The following HS3ST5 variants were observed in gnomAD, a reference collection of about 807,000 sequenced individuals.
HS3ST5 encodes the protein heparan sulfate-glucosamine 3-sulfotransferase 5.
Under a neutral mutation model 25.4 loss-of-function variants are expected in HS3ST5, and 10 were observed. The observed-to-expected ratio is 0.39, with a 90% CI of 0.24 to 0.67. The LOEUF (loss-of-function observed/expected upper bound fraction) is 0.67, where lower values mean the gene tolerates loss of function less well. HS3ST5 is among the 30% of genes least tolerant of loss of function. The pLI is 0.44. For synonymous variants in HS3ST5, 170 were observed against 162.4 expected (o/e 1.05, Z -0.36); for missense variants, 324 against 420.7 (o/e 0.77, Z 2.01).
chr6:114,328,867 T>C (rs906553778), intron 1 of HS3ST5, among the ~76,000 whole-genome samples: 1 of 152,212 alleles, frequency 6.6e-6, no homozygotes, highest in Non-Finnish European at 1.5e-5. Flanking sequence ...AGAAACTCAC[T>C]CTTTCTTATG....
chr6:114,228,836 T>C (rs989735950), intron 1 of HS3ST5, 58 bp from the exon 2 acceptor site: 1 of 152,208 alleles, frequency 6.6e-6, no homozygotes, highest in Non-Finnish European at 1.5e-5. Context: ...GAATCTGCTA[T>C]GGAGAAAGTT....
At position 114,149,910 on chromosome 6, in the gene HS3ST5, A is replaced by G. The variant is rs564570954; in HGVS notation, c.-33+18441T>C. 2.6e-5 allele frequency among the ~76,000 whole-genome samples: 4 copies of G among 152,284 alleles called. No individual in the cohort carries two copies. In the South Asian group the frequency reaches 6.2e-4, roughly 24 times the overall value. The stretch of plus-strand genomic sequence containing the variant: ...TAAAATACTGTCCAAAATTGTGGTA[A>G]TTCTGCATCCTGTCATATCAAGAAG... On this transcript the variant is annotated intron_variant, in intron 3 of 4. Transcript: ENST00000312719.
chr6:114,093,353 TTGTGTGTGTGTGTGTGTGTGTGTG>T (rs60927880), intron 3 of HS3ST5, among the ~76,000 whole-genome samples: 7 of 134,328 alleles, frequency 5.2e-5, no homozygotes, highest in East Asian at 4.5e-4. Flanking sequence ...GTTTGTTTGT[TTGTGTGTGTGTGTGTGTGTGTGTG>T]TGTGTGTGTG....
At chr6:114,234,277 G>T (rs1771751955) in intron 1 of HS3ST5, among the ~76,000 whole-genome samples, 1 of 150,398 alleles carries the variant, frequency 6.6e-6, no homozygotes, top group South Asian at 2.1e-4. Flanking sequence ...TTTTCACAGG[G>T]TATTAAATCT....
intron 2 of HS3ST5, among the ~76,000 whole-genome samples, chr6:114,196,393 A>G (rs1780757776): frequency 6.6e-6 from 1 of 152,140 alleles, no homozygotes; most frequent in Non-Finnish European, 1.5e-5. Context: ...AAAAAGCAAA[A>G]AGATCTTTCC....
intron 1 of HS3ST5, among the ~76,000 whole-genome samples, chr6:114,324,990 T>C (rs1221476684): frequency 6.6e-6 from 1 of 152,204 alleles, no homozygotes; most frequent in African/African-American, 2.4e-5. Context: ...TACAGTTAGT[T>C]CCAGGCCAAT....
At chr6:114,293,891 C>T (rs1369279697) in intron 1 of HS3ST5, among the ~76,000 whole-genome samples, 3 of 152,132 alleles carry the variant, frequency 2.0e-5, no homozygotes, top group African/African-American at 7.2e-5. Flanking sequence ...CCCAGGAGAC[C>T]ATCAATATCC....
intron 2 of HS3ST5, among the ~76,000 whole-genome samples, chr6:114,199,758 A>G (rs1198977683): frequency 6.6e-6 from 1 of 152,184 alleles, no homozygotes; most frequent in Non-Finnish European, 1.5e-5. Flanking sequence ...GCCTTTTGTC[A>G]GCTTTATGTC....
intron 2 of HS3ST5, among the ~76,000 whole-genome samples, chr6:114,216,607 G>A (rs923273646): frequency 1.3e-5 from 2 of 151,926 alleles, no homozygotes; most frequent in African/African-American, 4.8e-5. Context: ...ACTAGAGAAT[G>A]AGCTAATGTG....
chr6:114,066,923 A>G (rs979954126), intron 3 of HS3ST5, among the ~76,000 whole-genome samples: 1 of 152,146 alleles, frequency 6.6e-6, no homozygotes, highest in African/African-American at 2.4e-5. Flanking sequence ...ATCAAGTTCA[A>G]TCACTTCCTC....
At chr6:114,130,898 G>A (rs534019867) in intron 3 of HS3ST5, among the ~76,000 whole-genome samples, 5 of 152,198 alleles carry the variant, frequency 3.3e-5, no homozygotes, top group African/African-American at 9.6e-5. Flanking sequence ...AAAATTAGCT[G>A]AGCATGGTGG....
chr6:114,284,923 C>A (rs984016650), intron 1 of HS3ST5, among the ~76,000 whole-genome samples: 5 of 151,980 alleles, frequency 3.3e-5, no homozygotes, highest in Non-Finnish European at 7.4e-5. Context: ...CTGGATTGAT[C>A]TTCAGCTCAT....
At chr6:114,232,870 T>C (rs1771665831) in intron 1 of HS3ST5, among the ~76,000 whole-genome samples, 2 of 152,186 alleles carry the variant, frequency 1.3e-5, no homozygotes, top group South Asian at 2.1e-4. Flanking sequence ...CTCCAGTATA[T>C]TTTCCACATG....
At chr6:114,186,404 A>G (rs1366232877) in intron 2 of HS3ST5, among the ~76,000 whole-genome samples, 3 of 152,192 alleles carry the variant, frequency 2.0e-5, no homozygotes, top group African/African-American at 7.2e-5. Flanking sequence ...ATATGGAGAA[A>G]GTTTGATTTA....
At chr6:114,280,520 C>T (rs1290197287) in intron 1 of HS3ST5, among the ~76,000 whole-genome samples, 4 of 152,040 alleles carry the variant, frequency 2.6e-5, no homozygotes, top group South Asian at 2.1e-4. Context: ...AAATCCAGTT[C>T]GTCAAAGACT....
chr6:114,226,552 A>AACTTTTATATGAAGAG (rs908252780), intron 2 of HS3ST5, among the ~76,000 whole-genome samples: 1 of 151,958 alleles, frequency 6.6e-6, no homozygotes, highest in Admixed American at 6.6e-5. Flanking sequence ...TTATATGAGA[A>AACTTTTATATGAAGAG]ACTTTTATAT....
intron 2 of HS3ST5, among the ~76,000 whole-genome samples, chr6:114,184,048 T>C (rs1780088011): frequency 7.0e-6 from 1 of 143,534 alleles, no homozygotes; most frequent in African/African-American, 2.5e-5. Context: ...CTTTTCTTTT[T>C]CCTTTCTTTT....
intron 3 of HS3ST5, among the ~76,000 whole-genome samples, chr6:114,090,632 C>T (rs1230285030): frequency 6.6e-6 from 1 of 152,210 alleles, no homozygotes; most frequent in East Asian, 1.9e-4. Flanking sequence ...TGTGCTGCAG[C>T]CCTCCCTTCT....
intron 3 of HS3ST5, among the ~76,000 whole-genome samples, chr6:114,096,042 C>T (rs149491164): frequency 6.6e-6 from 1 of 152,246 alleles, no homozygotes; most frequent in Non-Finnish European, 1.5e-5. Context: ...GTAAGACTAC[C>T]TTCACCTTAC....
Sources: allele counts gnomAD v4.1 joint callset (sites outside exome capture counted in the v4.1 genomes callset), GRCh38; gene constraint gnomAD v4.1.1; transcripts MANE v1.5; gene names NCBI Gene and HGNC (gene_info 2026-07-23, HGNC 2026-07-21).